Variants in SMYD4 observed in about 807,000 individuals in gnomAD.
The protein encoded by SMYD4 is protein-lysine N-methyltransferase SMYD4.
In SMYD4, 68 loss-of-function variants were observed where a neutral mutation model predicts 72.8. The ratio of observed to expected loss-of-function variants is 0.93; its 90% CI spans 0.77 to 1.14. The LOEUF (loss-of-function observed/expected upper bound fraction) is 1.14. SMYD4 is among the 50% of genes most tolerant of loss of function. The pLI is 0.00. For synonymous variants in SMYD4, 407 were observed against 388.6 expected (o/e 1.05, Z -0.56); for missense variants, 984 against 1,003.7 (o/e 0.98, Z 0.27).
At chr17:1,794,055 G>GTA (rs1471465115) in intron 5 of SMYD4, among the ~76,000 whole-genome samples, 2 of 70,126 alleles carry the variant, frequency 2.9e-5, no homozygotes, top group African/African-American at 8.0e-5. Context: ...ATATATATGT[G>GTA]TGTATATATA....
At chr17:1,794,081 G>GTATATATATATATATATATA in intron 5 of SMYD4, among the ~76,000 whole-genome samples, 1 of 17,122 alleles carries the variant, frequency 5.8e-5, no homozygotes, top group African/African-American at 2.5e-4. Flanking sequence ...ATATATATGT[G>GTATATATATATATATATATA]TATATATATA....
chr17:1,785,880 C>G (rs1908661993), intron 7 of SMYD4, among the ~76,000 whole-genome samples: 1 of 152,190 alleles, frequency 6.6e-6, no homozygotes, highest in Non-Finnish European at 1.5e-5. Context: ...CTGCCTTTCA[C>G]TCATGACTCC....
chr17:1,790,922 C>T (rs541361634), intron 5 of SMYD4, among the ~76,000 whole-genome samples: 59 of 149,238 alleles, frequency 4.0e-4, no homozygotes, highest in African/African-American at 1.3e-3. Flanking sequence ...GTCAGGAGAT[C>T]GAGACCTTCC....
Position 1,781,364 on chromosome 17 carries a change from G to T in SMYD4, c.2337C>A (p.Asp779Glu), listed in dbSNP as rs748416369. 1.9e-5 allele frequency: 31 copies of T among 1,613,886 alleles called. No homozygotes were observed. Among genetic ancestry groups the T allele is most frequent in the Admixed American group, 5.0e-5 (3 of 59,972 alleles). The change falls in exon 11 of 11, where the codon GAC becomes GAA. Residue 779 changes from aspartate to glutamate, a missense_variant. Coordinates refer to ENST00000305513, the MANE Select transcript of SMYD4 (RefSeq NM_052928.3). Reference protein sequence around the residue: ...EVLSLHCGPWDDEIQELQKMK... With the variant: ...EVLSLHCGPWEDEIQELQKMK... ...TCTTCTGGAGCTCCTGGATTTCATC[G>T]TCCCATGGGCCACAGTGCAGCGACA...
chr17:1,829,862 C>A lies in SMYD4; in HGVS notation c.-149G>T. 2.9e-6 allele frequency: 1 copy of A among 345,072 alleles called. No homozygotes were observed. The highest frequency in any genetic ancestry group is 5.0e-6 in the Non-Finnish European group (1 of 198,818). 21.4% of individuals were successfully genotyped at this position (345,072 alleles called of 1,614,324 possible). A position where few individuals can be genotyped will look rare whatever the true frequency, so the allele number is the denominator to read the frequency against. Reference sequence around the variant, plus strand: ...TGGCGCCCCGCTCCGCCCCGCACCGCGTCCGGCGTCCCGCGCCAGGCCTCG... The same window carrying A: ...TGGCGCCCCGCTCCGCCCCGCACCGAGTCCGGCGTCCCGCGCCAGGCCTCG... On this transcript the variant is annotated 5_prime_UTR_variant, in exon 1 of 11. Transcript: ENST00000305513.
chr17:1,827,905 T>C lies in SMYD4; in HGVS notation c.90A>G (p.Ala30=), dbSNP rs773481739. Residue 30 remains alanine (A), a synonymous_variant, in exon 2 of 11, where the codon GCA becomes GCG. Coordinates refer to ENST00000305513, the MANE Select transcript of SMYD4 (RefSeq NM_052928.3). Reference sequence around the variant, plus strand: ...GAAGAAAGATATCCCTCAAGGTCTCTGCTGTAGAAATTGTGACCTGAACAG... The same window carrying C: ...GAAGAAAGATATCCCTCAAGGTCTCCGCTGTAGAAATTGTGACCTGAACAG... ...PTSVQVTIST[A]ETLRDIFLHS... 1.9e-6 allele frequency: 3 copies of C among 1,613,204 alleles called. No homozygotes were observed. In the South Asian group the frequency reaches 3.3e-5, roughly 18 times the overall value.
intron 2 of SMYD4, among the ~76,000 whole-genome samples, chr17:1,826,013 T>C (rs1911150049): frequency 6.6e-6 from 1 of 152,174 alleles, no homozygotes; most frequent in South Asian, 2.1e-4. Context: ...GTAAAACATT[T>C]ACATTGTAAA....
intron 6 of SMYD4, 63 bp downstream of exon 6, chr17:1,787,359 A>G (rs1908748689): frequency 6.5e-7 from 1 of 1,542,908 alleles, no homozygotes; most frequent in African/African-American, 1.4e-5. Context: ...TGGCTTGCTG[A>G]CTTGCGTCCC....
chr17:1,800,909 G>A lies in SMYD4; in HGVS notation c.485C>T (p.Ala162Val). 6.2e-7 allele frequency: 1 copy of A among 1,614,198 alleles called. No homozygotes were observed. Among genetic ancestry groups the A allele is most frequent in the Non-Finnish European group, 8.5e-7 (1 of 1,180,032 alleles). Reference protein sequence around the residue: ...CLVALGRLQEASQTISDLERN... With the variant: ...CLVALGRLQEVSQTISDLERN... ...TTCAAGATCACTGATGGTCTGGCTT[G>A]CCTCCTGCAGTCTCCCCAGGGCCAC... The change falls in exon 5 of 11, where the codon GCA becomes GTA. Residue 162 changes from alanine to valine, a missense_variant. Transcript: ENST00000305513.
chr17:1,807,653 G>T (rs966796809), intron 3 of SMYD4, among the ~76,000 whole-genome samples: 1 of 152,162 alleles, frequency 6.6e-6, no homozygotes, highest in Non-Finnish European at 1.5e-5. Flanking sequence ...GCGAGCCACC[G>T]CGCCCGGCCT....
In SMYD4 at chr17:1,792,367, G is replaced by T. The variant is rs190826750; in HGVS notation, c.1538-4763C>A. On this transcript the variant is annotated intron_variant, in intron 5 of 10. Coordinates refer to ENST00000305513, the MANE Select transcript of SMYD4 (RefSeq NM_052928.3). ...AATGCATTTTAGAATTAAAAATACA[G>T]GTCGGGCACGGTGGCTCACCCCTGT... 5.9e-5 allele frequency among the ~76,000 whole-genome samples: 9 copies of T among 152,060 alleles called. No homozygotes were observed. The East Asian group carries it at 1.8e-3, about 30-fold the overall frequency.
At position 1,793,511 on chromosome 17, in the gene SMYD4, C is replaced by T. The variant is rs575214726; in HGVS notation, c.1538-5907G>A. On this transcript the variant is annotated intron_variant, in intron 5 of 10. Transcript: ENST00000305513. ...AGGCTTGTTCACAGGGCTACACTAT[C>T]ACTCCAAGACGGTGACAGTGGAGGC... Among the ~76,000 whole-genome samples the T allele has an allele frequency of 7.0e-4, 107 of 151,968 alleles. 1 individual carries two copies. Among genetic ancestry groups the T allele is most frequent in the African/African-American group, 1.8e-3 (73 of 41,438 alleles).
chr17:1,789,046 CAT>C (rs2151222275), intron 5 of SMYD4, among the ~76,000 whole-genome samples: 1 of 152,192 alleles, frequency 6.6e-6, no homozygotes, highest in African/African-American at 2.4e-5. Context: ...GGAAAAAAAC[CAT>C]CAAATAACTG....
chr17:1,787,041 A>C, intron 6 of SMYD4, 68 bp from the exon 7 acceptor site: 1 of 1,570,624 alleles, frequency 6.4e-7, no homozygotes, highest in Non-Finnish European at 8.7e-7. Context: ...AAAAACCTTC[A>C]GCTTAGCAGA....
At chr17:1,814,149 A>G (rs149195523) in intron 2 of SMYD4, among the ~76,000 whole-genome samples, 81 of 152,056 alleles carry the variant, frequency 5.3e-4, no homozygotes, top group Non-Finnish European at 1.1e-3. Flanking sequence ...TACAAAAAAT[A>G]CAAAAATTAG....
chr17:1,823,307 T>C (rs890281729), intron 2 of SMYD4, among the ~76,000 whole-genome samples: 13 of 138,634 alleles, frequency 9.4e-5, no homozygotes, highest in South Asian at 4.4e-4. Flanking sequence ...GGCAGGAGAA[T>C]GGCATGAACC....
Position 1,804,626 on chromosome 17 carries a change from C to A in SMYD4, c.369G>T (p.Glu123Asp). The A allele has an allele frequency of 6.2e-7, 1 of 1,613,394 alleles. No homozygotes were observed. The highest frequency in any genetic ancestry group is 1.1e-5 in the South Asian group (1 of 91,050). The change falls in exon 4 of 11, where the codon GAG (glutamate) becomes GAT (aspartate). Residue 123 changes from glutamate to aspartate, a missense_variant and splice_region_variant. By Grantham distance (45) the Glu-to-Asp change is conservative. Coordinates refer to ENST00000305513, the MANE Select transcript of SMYD4 (RefSeq NM_052928.3). ...SAALFHLGQY[E>D]TCLKDINRAQ... The stretch of plus-strand genomic sequence containing the variant: ...TCATACCAGGTATCCTGATACTCAC[C>A]TCATACTGACCCAGGTGGAAGAGGG...
At chr17:1,789,922 T>G (rs1461322006) in intron 5 of SMYD4, among the ~76,000 whole-genome samples, 2 of 152,172 alleles carry the variant, frequency 1.3e-5, no homozygotes, top group Admixed American at 1.3e-4. Flanking sequence ...TAGTTAATAA[T>G]TCTACAAATT....
intron 5 of SMYD4, among the ~76,000 whole-genome samples, chr17:1,790,627 C>T (rs1471000360): frequency 3.3e-5 from 5 of 152,040 alleles, no homozygotes; most frequent in Non-Finnish European, 5.9e-5. Flanking sequence ...AGCGATTCTC[C>T]TGCCTCAGCC....
Sources: gnomAD v4.1 joint callset for allele counts (sites outside exome capture counted in the v4.1 genomes callset) on GRCh38, gnomAD v4.1.1 for gene constraint, MANE v1.5 for transcripts, NCBI Gene and HGNC (gene_info 2026-07-23, HGNC 2026-07-21) for gene names.